The following EPHA5 variants were observed in gnomAD, a reference collection of about 807,000 sequenced individuals.
EPHA5 encodes the protein EPH receptor A5.
In EPHA5, 60 loss-of-function variants were observed where a neutral mutation model predicts 105.0. The ratio of observed to expected loss-of-function variants is 0.57; its 90% CI spans 0.46 to 0.71. The LOEUF (loss-of-function observed/expected upper bound fraction) is 0.71. EPHA5 is among the 30% of genes least tolerant of loss of function. The pLI, the probability that EPHA5 is intolerant of heterozygous loss-of-function variation, is 0.00. For synonymous variants in EPHA5, 513 were observed against 449.1 expected (o/e 1.14, Z -1.80); for missense variants, 1,218 against 1,274.7 (o/e 0.96, Z 0.68).
chr4:65,510,313 G>A (rs1027549050), intron 3 of EPHA5, among the ~76,000 whole-genome samples: 2 of 151,858 alleles, frequency 1.3e-5, no homozygotes, highest in African/African-American at 4.8e-5. Context: ...CCAAAGTGCT[G>A]GGATTACAGG....
intron 5 of EPHA5, among the ~76,000 whole-genome samples, chr4:65,438,866 A>G (rs1035255563): frequency 3.9e-5 from 6 of 152,168 alleles, no homozygotes; most frequent in African/African-American, 1.4e-4. Flanking sequence ...TATAATGTGT[A>G]ACTATGAAAA....
At chr4:65,515,156 T>G (rs905776924) in intron 3 of EPHA5, among the ~76,000 whole-genome samples, 20 of 152,298 alleles carry the variant, frequency 1.3e-4, no homozygotes, top group African/African-American at 4.8e-4. Flanking sequence ...CTTTCCATGC[T>G]AATAGACTTG....
intron 2 of EPHA5, among the ~76,000 whole-genome samples, chr4:65,606,536 A>G (rs1744246481): frequency 6.6e-6 from 1 of 152,172 alleles, no homozygotes; most frequent in Non-Finnish European, 1.5e-5. Context: ...TAAAAACACT[A>G]AGTATTTATT....
intron 1 of EPHA5, among the ~76,000 whole-genome samples, chr4:65,668,999 GC>G (rs765693120): frequency 6.6e-6 from 1 of 151,750 alleles, no homozygotes; most frequent in Non-Finnish European, 1.5e-5. Context: ...AAAAGCTCCT[GC>G]CACCCACCCC....
intron 14 of EPHA5, among the ~76,000 whole-genome samples, chr4:65,341,925 T>C (rs922744778): frequency 6.6e-6 from 1 of 152,114 alleles, no homozygotes; most frequent in Non-Finnish European, 1.5e-5. Context: ...GACATAGAAA[T>C]AGTTTCAGAT....
chr4:65,571,278 T>C (rs1740147711), intron 3 of EPHA5, among the ~76,000 whole-genome samples: 1 of 150,892 alleles, frequency 6.6e-6, no homozygotes, highest in African/African-American at 2.4e-5. Flanking sequence ...ATGCACAATA[T>C]GGCCCACTCA....
At chr4:65,501,559 A>T (rs1409170779) in intron 3 of EPHA5, among the ~76,000 whole-genome samples, 4 of 151,776 alleles carry the variant, frequency 2.6e-5, no homozygotes, top group Non-Finnish European at 5.9e-5. Flanking sequence ...GAGGTGAAAG[A>T]TATATACAAG....
intron 3 of EPHA5, among the ~76,000 whole-genome samples, chr4:65,574,516 C>T (rs1449717213): frequency 2.0e-5 from 3 of 146,698 alleles, no homozygotes; most frequent in African/African-American, 5.0e-5. Flanking sequence ...AATGTCATTC[C>T]ACATAATGTA....
chr4:65,359,794 T>C (rs1560451093), intron 11 of EPHA5, among the ~76,000 whole-genome samples: 1 of 151,664 alleles, frequency 6.6e-6, no homozygotes, highest in Non-Finnish European at 1.5e-5. Flanking sequence ...CTACCACCTC[T>C]TCTTAACCCA....
At chr4:65,501,981 A>G (rs989034980) in intron 3 of EPHA5, among the ~76,000 whole-genome samples, 3 of 151,656 alleles carry the variant, frequency 2.0e-5, no homozygotes, top group African/African-American at 4.8e-5. Flanking sequence ...TTACAAAGCC[A>G]ACAAAAATAA....
chr4:65,670,008 G>A lies in EPHA5; in HGVS notation c.-266C>T, dbSNP rs1750325809. 2.3e-6 allele frequency: 1 copy of A among 437,284 alleles called. No homozygotes were observed. The allele number at this position is 437,284 out of a possible 1,614,324, so 27.1% of individuals were successfully genotyped here. On this transcript the variant is annotated 5_prime_UTR_variant, in exon 1 of 17. Coordinates refer to ENST00000613740, the MANE Select transcript of EPHA5 (RefSeq NM_001281766.3). ...TAGTGCAGATCTGGACTCGGATCAAGGGTGTCGAGAGGGTCCTGGGTCCTG... is the reference window on the plus strand; with the variant it reads ...TAGTGCAGATCTGGACTCGGATCAAAGGTGTCGAGAGGGTCCTGGGTCCTG...
intron 3 of EPHA5, among the ~76,000 whole-genome samples, chr4:65,596,053 G>A (rs530868791): frequency 4.6e-5 from 7 of 152,280 alleles, no homozygotes; most frequent in South Asian, 2.1e-4. Context: ...TACAAGCAGC[G>A]TATTTCCCAC....
At chr4:65,366,305 A>T (rs1281295432) in intron 9 of EPHA5, among the ~76,000 whole-genome samples, 1 of 151,810 alleles carries the variant, frequency 6.6e-6, no homozygotes, top group Non-Finnish European at 1.5e-5. Flanking sequence ...TCTCAATCAT[A>T]ATACTTAGAA....
At chr4:65,432,266 C>T (rs1054466778) in intron 5 of EPHA5, among the ~76,000 whole-genome samples, 1 of 152,024 alleles carries the variant, frequency 6.6e-6, no homozygotes, top group African/African-American at 2.4e-5. Context: ...TTTTAATTTG[C>T]TTTTTGAAGT....
intron 3 of EPHA5, among the ~76,000 whole-genome samples, chr4:65,540,865 T>TA (rs5858966): frequency 0.12 from 16,463 of 142,542 alleles, 1,315 homozygotes; most frequent in East Asian, 0.3. Context: ...GTCAATTTTA[T>TA]AAAAAAAAAA....
chr4:65,590,508 T>C (rs911379122), intron 3 of EPHA5, among the ~76,000 whole-genome samples: 9 of 152,204 alleles, frequency 5.9e-5, no homozygotes, highest in Non-Finnish European at 8.8e-5. Flanking sequence ...GAAAGAACTA[T>C]GCCAGGGTTA....
intron 8 of EPHA5, among the ~76,000 whole-genome samples, chr4:65,387,099 A>G (rs1720172370): frequency 6.6e-6 from 1 of 151,920 alleles, no homozygotes; most frequent in African/African-American, 2.4e-5. Flanking sequence ...TGCAGGTGCA[A>G]TCTGAGCACT....
chr4:65,334,660 C>T (rs969760598), intron 15 of EPHA5, among the ~76,000 whole-genome samples: 2 of 151,896 alleles, frequency 1.3e-5, no homozygotes, highest in Non-Finnish European at 2.9e-5. Context: ...TACAGTCGGT[C>T]TTAAAGCAAA....
chr4:65,422,532 C>T (rs780297536), intron 5 of EPHA5, among the ~76,000 whole-genome samples: 5 of 151,986 alleles, frequency 3.3e-5, no homozygotes, highest in Admixed American at 2.6e-4. Context: ...TGGGTGATGT[C>T]AAATCATAAA....
Sources: gnomAD v4.1 joint callset for allele counts (sites outside exome capture counted in the v4.1 genomes callset) on GRCh38, gnomAD v4.1.1 for gene constraint, MANE v1.5 for transcripts, NCBI Gene and HGNC (gene_info 2026-07-23, HGNC 2026-07-21) for gene names.